The following MYO1D variants were observed in gnomAD, a reference collection of about 807,000 sequenced individuals.
MYO1D encodes myosin ID, also known as unconventional myosin-Id.
A neutral mutation model predicts 122.0 loss-of-function variants in MYO1D; 83 were observed. That is an observed-to-expected ratio of 0.68 (90% CI 0.57 to 0.82). The LOEUF is 0.82. MYO1D is among the 40% of genes least tolerant of loss of function. The probability of loss-of-function intolerance (pLI) is 0.00; values close to 1 mark genes in which losing one functional copy is unlikely to be tolerated. For synonymous variants in MYO1D, 464 were observed against 446.9 expected (o/e 1.04, Z -0.48); for missense variants, 1,157 against 1,269.5 (o/e 0.91, Z 1.35).
chr17:32,662,027 T>G (rs1285834204), intron 16 of MYO1D, among the ~76,000 whole-genome samples: 1 of 152,208 alleles, frequency 6.6e-6, no homozygotes, highest in Non-Finnish European at 1.5e-5. Context: ...TACTGCTAAT[T>G]TTTGCCAAAT....
At chr17:32,674,929 C>T (rs775743213) in intron 16 of MYO1D, among the ~76,000 whole-genome samples, 6 of 152,192 alleles carry the variant, frequency 3.9e-5, no homozygotes, top group Non-Finnish European at 7.4e-5. Flanking sequence ...CTCCCATTTA[C>T]TTAGGGTAAA....
Position 32,865,675 on chromosome 17 carries a change from A to G in MYO1D, c.95+11103T>C, listed in dbSNP as rs138646729. Among the ~76,000 whole-genome samples the G allele has an allele frequency of 6.8e-4, 104 of 152,330 alleles. 2 individuals carry two copies. The South Asian group carries it at 0.012, about 17-fold the overall frequency. On this transcript the variant is annotated intron_variant, in intron 1 of 21. Transcript: ENST00000318217. ...AATGCTTTAATCTCATTAAAGTGAA[A>G]TCCATTTCTATATTGTGTATCAAGG... is the stretch of plus-strand genomic sequence containing the variant.
At chr17:32,722,385 T>C (rs1490231210) in intron 14 of MYO1D, among the ~76,000 whole-genome samples, 2 of 152,164 alleles carry the variant, frequency 1.3e-5, no homozygotes, top group African/African-American at 4.8e-5. Context: ...GTCAGCAGGG[T>C]TGGTGTTTTT....
At chr17:32,646,019 C>T (rs1488617175) in intron 19 of MYO1D, among the ~76,000 whole-genome samples, 5 of 152,004 alleles carry the variant, frequency 3.3e-5, no homozygotes, top group African/African-American at 9.7e-5. Context: ...CTGTTTTTTC[C>T]CGATCTTTGT....
rs190013050 is a variant in MYO1D at position 32,649,431 on chromosome 17, T to C, written c.2595+4412A>G. Among the ~76,000 whole-genome samples the C allele has an allele frequency of 2.6e-5, 4 of 152,306 alleles. No individual in the cohort carries two copies. The East Asian group carries it at 7.7e-4, about 29-fold the overall frequency. On this transcript the variant is annotated intron_variant, in intron 19 of 21. Transcript: ENST00000318217. ...GAATCAGATCATTCTAGGTACCATA[T>C]ATAACTGGGATCATACAATATTTAT... is the stretch of plus-strand genomic sequence containing the variant.
intron 16 of MYO1D, among the ~76,000 whole-genome samples, chr17:32,671,042 T>A (rs1032754972): frequency 6.6e-6 from 1 of 152,192 alleles, no homozygotes; most frequent in Non-Finnish European, 1.5e-5. Flanking sequence ...GCCATGCCTG[T>A]CCCGGAGCTG....
At chr17:32,871,133 G>T (rs1181474005) in intron 1 of MYO1D, among the ~76,000 whole-genome samples, 1 of 152,150 alleles carries the variant, frequency 6.6e-6, no homozygotes, top group Non-Finnish European at 1.5e-5. Context: ...TCCAGGGGGT[G>T]AAAACAGCAA....
chr17:32,612,399 A>G (rs2087712462), intron 20 of MYO1D, among the ~76,000 whole-genome samples: 1 of 152,166 alleles, frequency 6.6e-6, no homozygotes, highest in African/African-American at 2.4e-5. Flanking sequence ...TTTCAAAATT[A>G]TAAGAGGCCA....
rs985478622 is a variant in MYO1D, at chr17:32,716,180, T to C, written c.1914-3985A>G. On this transcript the variant is annotated intron_variant, in intron 15 of 21. Transcript: ENST00000318217. ...TACTTCAGGGTCTTTGCACATGCTG[T>C]TCCCACTGCCCGGAATGCATTTTAT... is the stretch of plus-strand genomic sequence containing the variant. Among the ~76,000 whole-genome samples the C allele has an allele frequency of 3.9e-5, 6 of 152,236 alleles. No homozygotes were observed. In the South Asian group the frequency reaches 1.2e-3, roughly 31 times the overall value.
At chr17:32,548,996 A>AGCCAC (rs1456886394) in intron 21 of MYO1D, among the ~76,000 whole-genome samples, 2 of 152,088 alleles carry the variant, frequency 1.3e-5, no homozygotes, top group East Asian at 3.8e-4. Context: ...TACAGGCGTG[A>AGCCAC]GCCACCGCGC....
chr17:32,524,969 C>G (rs1292730005), intron 21 of MYO1D, among the ~76,000 whole-genome samples: 1 of 152,214 alleles, frequency 6.6e-6, no homozygotes, highest in East Asian at 1.9e-4. Context: ...TCCCAAAGTG[C>G]TAGGATTATA....
At chr17:32,575,190 A>G (rs1455017264) in intron 21 of MYO1D, among the ~76,000 whole-genome samples, 1 of 152,234 alleles carries the variant, frequency 6.6e-6, no homozygotes. Context: ...ATTCTAGAGT[A>G]AAACTCAAAT....
At chr17:32,687,188 C>T (rs533689289) in intron 16 of MYO1D, among the ~76,000 whole-genome samples, 4 of 139,640 alleles carry the variant, frequency 2.9e-5, no homozygotes, top group Non-Finnish European at 1.5e-5. Flanking sequence ...GCCAACATGC[C>T]TGGCTAATTT....
At chr17:32,723,435 T>C in intron 14 of MYO1D, among the ~76,000 whole-genome samples, 1 of 152,202 alleles carries the variant, frequency 6.6e-6, no homozygotes. Flanking sequence ...GCCACTATTC[T>C]GCCTAGTACA....
At chr17:32,757,864 G>C (rs1239124864) in intron 10 of MYO1D, among the ~76,000 whole-genome samples, 1 of 152,156 alleles carries the variant, frequency 6.6e-6, no homozygotes, top group Non-Finnish European at 1.5e-5. Flanking sequence ...CAGAAGACTT[G>C]TGATGGGGTA....
At chr17:32,523,030 T>G (rs564264695) in intron 21 of MYO1D, among the ~76,000 whole-genome samples, 2 of 152,192 alleles carry the variant, frequency 1.3e-5, no homozygotes, top group Non-Finnish European at 1.5e-5. Flanking sequence ...TTAGCCAGGA[T>G]GGTCTCGATC....
intron 21 of MYO1D, among the ~76,000 whole-genome samples, chr17:32,532,529 C>T (rs1910537240): frequency 6.6e-6 from 1 of 151,976 alleles, no homozygotes. Context: ...AGATCGAGAC[C>T]ATCCTGGCTA....
At chr17:32,620,552 C>G (rs111820383) in intron 20 of MYO1D, among the ~76,000 whole-genome samples, 13 of 152,260 alleles carry the variant, frequency 8.5e-5, no homozygotes, top group Non-Finnish European at 1.5e-4. Flanking sequence ...GGGAACCCCC[C>G]CCTGCCAAGT....
At chr17:32,593,274 G>A (rs914187946) in intron 21 of MYO1D, among the ~76,000 whole-genome samples, 13 of 152,234 alleles carry the variant, frequency 8.5e-5, no homozygotes, top group Admixed American at 7.9e-4. Flanking sequence ...CACTACAGGA[G>A]AGTGAACCTG....
Sources: gnomAD v4.1 joint callset for allele counts (sites outside exome capture counted in the v4.1 genomes callset) on GRCh38, gnomAD v4.1.1 for gene constraint, MANE v1.5 for transcripts, NCBI Gene and HGNC (gene_info 2026-07-23, HGNC 2026-07-21) for gene names.